IMPG1: variants seen among roughly 807,000 people sequenced by gnomAD.
IMPG1 encodes the protein interphotoreceptor matrix proteoglycan of 150 kDa.
Under a neutral mutation model 92.0 loss-of-function variants are expected in IMPG1, and 85 were observed. That is an observed-to-expected ratio of 0.92 (90% CI 0.78 to 1.11). The LOEUF is 1.11. Among genes scored for constraint, IMPG1 ranks in the 50% least tolerant of loss-of-function variants. The pLI is 0.00. For synonymous variants in IMPG1, 367 were observed against 334.1 expected, an observed-to-expected ratio of 1.10 and a Z score of -1.08; for missense variants, 1,022 against 956.0, an observed-to-expected ratio of 1.07 and a Z score of -0.91.
At chr6:76,000,046 T>A (rs1414500805) in intron 12 of IMPG1, among the ~76,000 whole-genome samples, 1 of 152,176 alleles carries the variant, frequency 6.6e-6, no homozygotes, top group Non-Finnish European at 1.5e-5. Flanking sequence ...ACCGAGACTG[T>A]CCTCCTTATG....
intron 12 of IMPG1, among the ~76,000 whole-genome samples, chr6:75,981,881 A>G (rs1214418519): frequency 6.6e-6 from 1 of 152,234 alleles, no homozygotes; most frequent in Non-Finnish European, 1.5e-5. Context: ...TTCCAGAAGG[A>G]GCTATTTCAA....
chr6:76,039,607 C>T (rs62431330), intron 2 of IMPG1, among the ~76,000 whole-genome samples: 5 of 152,162 alleles, frequency 3.3e-5, no homozygotes, highest in East Asian at 1.9e-4. Flanking sequence ...CTGCCTACCT[C>T]GGTCTCACAA....
At chr6:76,034,013 G>C (rs980600713) in intron 4 of IMPG1, among the ~76,000 whole-genome samples, 4 of 152,098 alleles carry the variant, frequency 2.6e-5, no homozygotes, top group African/African-American at 9.7e-5. Context: ...AATCAAACTA[G>C]TTTAATTTCT....
rs375540782 is a variant in IMPG1, at chr6:75,924,693, A to ATTATATTATATATAATAT, written c.2244-988_2244-987insATATTATATATAATATAA. ...AATTATATATTATATATTATATATA[A>ATTATATTATATATAATAT]ATAATTATATATAATATATAATATA... On this transcript the variant is annotated intron_variant, in intron 15 of 16. Coordinates refer to ENST00000369950, the MANE Select transcript of IMPG1 (RefSeq NM_001563.4). 5.0e-4 allele frequency among the ~76,000 whole-genome samples: 2 copies of ATTATATTATATATAATAT among 4,034 alleles called. 1 individual carries two copies. Among genetic ancestry groups the ATTATATTATATATAATAT allele is most frequent in the African/African-American group, 8.8e-4 (2 of 2,274 alleles). 2.6% of individuals were successfully genotyped at this position (4,034 alleles called of 152,430 possible). A position where few individuals can be genotyped will look rare whatever the true frequency, so the allele number is the denominator to read the frequency against.
Position 76,034,357 on chromosome 6 carries a change from A to T in IMPG1, c.469-14T>A. ...CTGTTTTATTCTCTGCAAAAAGATA[A>T]AGATAAAATGTAATTTTACCAGGAG... is the stretch of plus-strand genomic sequence containing the variant. On this transcript the variant is annotated splice_polypyrimidine_tract_variant and intron_variant, in intron 3 of 16. Coordinates refer to ENST00000369950, the MANE Select transcript of IMPG1 (RefSeq NM_001563.4). 1 of 1,610,914 alleles carries T rather than the reference A, an allele frequency of 6.2e-7. No homozygotes were observed. Among genetic ancestry groups the T allele is most frequent in the Non-Finnish European group, 8.5e-7 (1 of 1,177,328 alleles).
chr6:75,974,369 TTCTTTCTTTC>T (rs1782482946), intron 12 of IMPG1, among the ~76,000 whole-genome samples: 1 of 121,218 alleles, frequency 8.2e-6, no homozygotes, highest in Admixed American at 9.0e-5. Context: ...CTTTCTTTCT[TTCTTTCTTTC>T]TTTCTTTCTT....
chr6:75,985,928 T>C (rs560042990), intron 12 of IMPG1, among the ~76,000 whole-genome samples: 36 of 152,318 alleles, frequency 2.4e-4, no homozygotes, highest in African/African-American at 7.9e-4. Flanking sequence ...GCCTGATCTG[T>C]TGGTGCCCAT....
intron 3 of IMPG1, 113 bp from the exon 4 acceptor site, chr6:76,034,456 C>G: frequency 8.2e-7 from 1 of 1,215,354 alleles, no homozygotes; most frequent in East Asian, 2.4e-5. Flanking sequence ...CTGACTGTAC[C>G]ATATTATTTT....
chr6:76,071,145 A>G (rs145052081), intron 1 of IMPG1, among the ~76,000 whole-genome samples: 8 of 148,412 alleles, frequency 5.4e-5, no homozygotes, highest in Non-Finnish European at 1.2e-4. Flanking sequence ...CATTAGAATT[A>G]TAATTATATG....
intron 1 of IMPG1, among the ~76,000 whole-genome samples, chr6:76,057,994 T>C (rs201300051): frequency 1.2e-5 from 1 of 81,698 alleles, no homozygotes; most frequent in Admixed American, 1.2e-4. Flanking sequence ...TAAAATAAAA[T>C]AATAAAATAA....
Position 75,931,208 on chromosome 6 carries a change from G to A in IMPG1, c.2045-57C>T, listed in dbSNP as rs1447457580. 11 of 1,514,114 alleles carry A rather than the reference G, an allele frequency of 7.3e-6. No individual in the cohort carries two copies. In the East Asian group the frequency reaches 2.4e-4, roughly 33 times the overall value. The allele number at this position is 1,514,114 out of a possible 1,614,324, so 93.8% of individuals were successfully genotyped here. A position where few individuals can be genotyped will look rare whatever the true frequency, so the allele number is the denominator to read the frequency against. ...TATGAATAGCTAAGCAATGGAACTGGCAGCAGTCAAAGGCAAGAGACCAAA... is the reference window on the plus strand; with the variant it reads ...TATGAATAGCTAAGCAATGGAACTGACAGCAGTCAAAGGCAAGAGACCAAA... On this transcript the variant is annotated intron_variant, in intron 14 of 16. Transcript: ENST00000369950.
intron 12 of IMPG1, among the ~76,000 whole-genome samples, chr6:75,963,813 G>T (rs1284485650): frequency 6.6e-6 from 1 of 152,146 alleles, no homozygotes. Context: ...CACTGACAAA[G>T]AGTTTTACTT....
intron 12 of IMPG1, among the ~76,000 whole-genome samples, chr6:75,996,830 T>C (rs992243078): frequency 6.6e-6 from 1 of 152,210 alleles, no homozygotes; most frequent in Admixed American, 6.5e-5. Context: ...ATATCATCTC[T>C]GAATGGTGAT....
At chr6:76,063,146 G>A (rs1784236418) in intron 1 of IMPG1, among the ~76,000 whole-genome samples, 1 of 152,018 alleles carries the variant, frequency 6.6e-6, no homozygotes, top group Admixed American at 6.6e-5. Flanking sequence ...AGAGGTTGTA[G>A]TGAGCTGAGA....
At chr6:75,937,985 A>G (rs1781775824) in intron 14 of IMPG1, among the ~76,000 whole-genome samples, 1 of 152,246 alleles carries the variant, frequency 6.6e-6, no homozygotes, top group Non-Finnish European at 1.5e-5. Flanking sequence ...AGCCTAAATG[A>G]AAGACGACTC....
At chr6:75,963,168 T>C (rs1230437045) in intron 12 of IMPG1, among the ~76,000 whole-genome samples, 1 of 152,110 alleles carries the variant, frequency 6.6e-6, no homozygotes, top group Non-Finnish European at 1.5e-5. Context: ...AATATCACTA[T>C]ATTGGGAACA....
chr6:76,072,515 G>A lies in IMPG1; in HGVS notation c.-27C>T. 7.1e-7 allele frequency: 1 copy of A among 1,400,598 alleles called. No individual in the cohort carries two copies. The highest frequency in any genetic ancestry group is 2.4e-5 in the East Asian group (1 of 42,436). 86.8% of individuals were successfully genotyped at this position (1,400,598 alleles called of 1,614,324 possible). On this transcript the variant is annotated 5_prime_UTR_variant, in exon 1 of 17. Transcript: ENST00000369950. The stretch of plus-strand genomic sequence containing the variant: ...CTGGCTTTTGTGCATTGGTAATTCT[G>A]ATAACAATCACAGAACAACCTCAAA...
chr6:76,018,576 T>C, intron 7 of IMPG1, 142 bp downstream of exon 7: 2 of 666,206 alleles, frequency 3.0e-6, no homozygotes, highest in Non-Finnish European at 4.9e-6. Context: ...TTAGGGCCCA[T>C]TGTAATTTTG....
At chr6:76,008,836 G>A (rs1562367945) in intron 8 of IMPG1, among the ~76,000 whole-genome samples, 1 of 152,098 alleles carries the variant, frequency 6.6e-6, no homozygotes, top group African/African-American at 2.4e-5. Context: ...TTCATCAATC[G>A]CAAAGCTTTA....
Sources: allele counts gnomAD v4.1 joint callset (sites outside exome capture counted in the v4.1 genomes callset), GRCh38; gene constraint gnomAD v4.1.1; transcripts MANE v1.5; gene names NCBI Gene and HGNC (gene_info 2026-07-23, HGNC 2026-07-21).